Variants in ERAP1 observed in about 807,000 individuals in gnomAD.
The protein encoded by ERAP1 is adipocyte-derived leucine aminopeptidase.
In ERAP1, 86 loss-of-function variants were observed where a neutral mutation model predicts 103.7. The observed-to-expected ratio is 0.83, with a 90% CI of 0.70 to 0.99. The LOEUF (loss-of-function observed/expected upper bound fraction) is 0.99, where lower values mean the gene tolerates loss of function less well. Ranked by LOEUF, ERAP1 falls within the 50% of genes least tolerant of loss-of-function variation. The probability of loss-of-function intolerance (pLI) is 0.00; values close to 1 mark genes in which losing one functional copy is unlikely to be tolerated. For missense variants in ERAP1, 1,009 were observed against 1,128.4 expected (o/e 0.89, Z 1.52); for synonymous variants, 398 against 402.4 (o/e 0.99, Z 0.13).
the ERAP1 span, among the ~76,000 whole-genome samples, chr5:96,854,207 G>A: frequency 1.3e-5 from 2 of 152,118 alleles, no homozygotes; most frequent in Non-Finnish European, 2.9e-5. Flanking sequence ...AATCTCTTAT[G>A]AGAATCAAAT....
the ERAP1 span, among the ~76,000 whole-genome samples, chr5:96,881,860 C>G: frequency 2.0e-5 from 3 of 152,288 alleles, no homozygotes; most frequent in South Asian, 6.2e-4. Context: ...TTCAGCTAGA[C>G]CAGAATGAGT....
the ERAP1 span, among the ~76,000 whole-genome samples, chr5:96,892,863 C>T: frequency 1.3e-5 from 2 of 152,270 alleles, no homozygotes; most frequent in African/African-American, 2.4e-5. Context: ...CAGTTGGAAC[C>T]TGTGCTTACA....
the ERAP1 span, among the ~76,000 whole-genome samples, chr5:96,881,823 C>T: frequency 1.3e-5 from 2 of 152,304 alleles, no homozygotes; most frequent in African/African-American, 2.4e-5. Flanking sequence ...ATCTAACACT[C>T]TTTACAAAGA....
chr5:96,797,554 T>C (rs1777485497), intron 3 of ERAP1, among the ~76,000 whole-genome samples: 1 of 152,116 alleles, frequency 6.6e-6, no homozygotes, highest in African/African-American at 2.4e-5. Flanking sequence ...TAGTCATAGC[T>C]ACTGGGGAGG....
the ERAP1 span, chr5:96,908,939 T>C: frequency 1.2e-6 from 2 of 1,604,534 alleles, no homozygotes; most frequent in East Asian, 2.2e-5. Context: ...CACAAACCAC[T>C]GACATTTGTT....
the ERAP1 span, among the ~76,000 whole-genome samples, chr5:96,863,496 C>T: frequency 6.6e-6 from 1 of 152,110 alleles, no homozygotes; most frequent in African/African-American, 2.4e-5. Context: ...TCATGAAATT[C>T]TCTTCTCTTG....
chr5:96,807,479 G>A (rs919721138), intron 1 of ERAP1, among the ~76,000 whole-genome samples: 1 of 152,322 alleles, frequency 6.6e-6, no homozygotes, highest in East Asian at 1.9e-4. Flanking sequence ...GCATCCAGGC[G>A]CCAGGCGGAG....
chr5:96,803,796 C>G lies in ERAP1; in HGVS notation c.131G>C (p.Gly44Ala). The G allele has an allele frequency of 1.2e-6, 2 of 1,614,088 alleles. No individual in the cohort carries two copies. Among genetic ancestry groups the G allele is most frequent in the Non-Finnish European group, 1.7e-6 (2 of 1,180,018 alleles). ...STEASPKRSD[G>A]TPFPWNKIRL... ...TATTTTATTCCAAGGAAATGGTGTC[C>G]CATCACTACGTTTTGGAGATGCTTC... Residue 44 changes from glycine to alanine, a missense_variant, in exon 2 of 19, where the codon GGG (glycine) becomes GCG (alanine). Gly to Ala is a moderately conservative substitution (Grantham distance 60, BLOSUM62 0). Transcript: ENST00000443439.
At chr5:96,911,117 T>C in the ERAP1 span, among the ~76,000 whole-genome samples, 1 of 152,378 alleles carries the variant, frequency 6.6e-6, no homozygotes, top group East Asian at 1.9e-4. Context: ...AAATCCCATC[T>C]GCAAATGGCA....
At position 96,781,142 on chromosome 5, in the gene ERAP1, A is replaced by G. The variant is rs746821452; in HGVS notation, c.2504T>C (p.Ile835Thr). 6.2e-7 allele frequency: 1 copy of G among 1,613,376 alleles called. No homozygotes were observed. The highest frequency in any genetic ancestry group is 1.7e-5 in the Admixed American group (1 of 59,866). Residue 835 changes from isoleucine to threonine, a missense_variant, in exon 17 of 19, where the codon ATT (isoleucine) becomes ACT (threonine). Transcript: ENST00000443439. ...DKIKTQEFPQ[I>T]LTLIGRNPVG... Reference sequence around the variant, plus strand: ...TGGGTTCCTGCCAATGAGTGTAAGAATTTGTGGAAACTCCTGAGTTTTTAT... The same window carrying G: ...TGGGTTCCTGCCAATGAGTGTAAGAGTTTGTGGAAACTCCTGAGTTTTTAT...
the ERAP1 span, chr5:96,873,235 A>T: frequency 2.5e-6 from 1 of 399,664 alleles, no homozygotes; most frequent in Non-Finnish European, 5.0e-6. Context: ...ATATTTTGAC[A>T]ATAAAGTCTC....
At chr5:96,784,535 A>G (rs1334785806) in intron 13 of ERAP1, among the ~76,000 whole-genome samples, 8 of 152,202 alleles carry the variant, frequency 5.3e-5, no homozygotes, top group African/African-American at 1.9e-4. Flanking sequence ...TCTCTTTTCT[A>G]TCACATATAA....
intron 19 of ERAP1, among the ~76,000 whole-genome samples, chr5:96,764,667 C>T (rs567423834): frequency 1.3e-5 from 2 of 152,170 alleles, no homozygotes; most frequent in South Asian, 2.1e-4. Context: ...CCACAAACTG[C>T]GGGTCACGCT....
the ERAP1 span, among the ~76,000 whole-genome samples, chr5:96,824,641 C>G: frequency 6.6e-6 from 1 of 152,220 alleles, no homozygotes; most frequent in East Asian, 1.9e-4. Flanking sequence ...TCCCATCTGC[C>G]AACAATTGGA....
chr5:96,793,176 TACAA>T (rs1776927143), intron 7 of ERAP1, among the ~76,000 whole-genome samples: 1 of 152,248 alleles, frequency 6.6e-6, no homozygotes, highest in African/African-American at 2.4e-5. Context: ...TCGGACAATT[TACAA>T]ACAATCATAG....
rs1347547032 is a variant in ERAP1 at position 96,786,621 on chromosome 5, T to A, written c.1680-72A>T. 5.0e-6 allele frequency: 5 copies of A among 1,000,770 alleles called. No homozygotes were observed. In the Admixed American group the frequency reaches 8.9e-5, roughly 18 times the overall value. 62.0% of individuals were successfully genotyped at this position (1,000,770 alleles called of 1,614,324 possible). On this transcript the variant is annotated intron_variant, in intron 11 of 18. Transcript: ENST00000443439. ...CAAGCAGTTATTAAATCACCTATCA[T>A]GTGCCAGGCACTGGTTAGTTTAGAA... is the stretch of plus-strand genomic sequence containing the variant.
chr5:96,841,747 CTTTTTTTTTTT>C, the ERAP1 span, among the ~76,000 whole-genome samples: 1 of 108,548 alleles, frequency 9.2e-6, no homozygotes, highest in Non-Finnish European at 1.8e-5. Flanking sequence ...TCTTCTTCTT[CTTTTTTTTTTT>C]TTTTTTTTGA....
At chr5:96,901,758 A>G in the ERAP1 span, 1 of 1,448,732 alleles carries the variant, frequency 6.9e-7, no homozygotes, top group Non-Finnish European at 9.4e-7. Context: ...CTCTCAGCTC[A>G]TCTGGCAACT....
chr5:96,880,496 G>A, the ERAP1 span, among the ~76,000 whole-genome samples: 2 of 152,228 alleles, frequency 1.3e-5, no homozygotes, highest in Admixed American at 6.5e-5. Flanking sequence ...GCCAGTATAT[G>A]ACTGATATGA....
Sources: allele counts gnomAD v4.1 joint callset (sites outside exome capture counted in the v4.1 genomes callset), GRCh38; gene constraint gnomAD v4.1.1; transcripts MANE v1.5; gene names NCBI Gene and HGNC (gene_info 2026-07-23, HGNC 2026-07-21).